GRIP2: variants seen among roughly 807,000 people sequenced by gnomAD.
GRIP2 encodes glutamate receptor-interacting protein 2.
Under a neutral mutation model 108.3 loss-of-function variants are expected in GRIP2, and 58 were observed. That is an observed-to-expected ratio of 0.54 (90% CI 0.43 to 0.67). The LOEUF is 0.67. Ranked by LOEUF, GRIP2 falls within the 30% of genes least tolerant of loss-of-function variation. The pLI is 0.00. For synonymous variants in GRIP2, 586 were observed against 598.2 expected, an observed-to-expected ratio of 0.98 and a Z score of 0.30; for missense variants, 1,278 against 1,430.6, an observed-to-expected ratio of 0.89 and a Z score of 1.72.
chr3:14,498,614 A>G (rs935827823), intron 21 of GRIP2, among the ~76,000 whole-genome samples: 1 of 83,130 alleles, frequency 1.2e-5, no homozygotes, highest in African/African-American at 8.0e-5. Flanking sequence ...AGCATCCAAA[A>G]GGAAAATCCA....
chr3:14,507,552 G>C lies in GRIP2; in HGVS notation c.2218+9C>G, dbSNP rs370729301. On this transcript the variant is annotated intron_variant, in intron 18 of 23. Coordinates refer to ENST00000621039, the MANE Select transcript of GRIP2 (RefSeq NM_001080423.4). This position sits in a 1 kb window ranked among gnomAD's most constrained non-coding sequence, Gnocchi z 4.6. ...CTGGGTGGCTCCCAGGGGATGAAGC[G>C]AATCTCACGGTCTAGTTGCTTCTTG... 2 of 1,611,356 alleles carry C rather than the reference G, an allele frequency of 1.2e-6. No homozygotes were observed. The highest frequency in any genetic ancestry group is 4.5e-5 in the East Asian group (2 of 44,782).
At position 14,504,904 on chromosome 3, in the gene GRIP2, G is replaced by C. The variant is rs370030464; in HGVS notation, c.2573+711C>G. ...CGTGGAGCTGGGGTGCCACGCAGTA[G>C]AGATGATAGCCAAGTAATTAGCCAG... On this transcript the variant is annotated intron_variant, in intron 20 of 23. Transcript: ENST00000621039. Among the ~76,000 whole-genome samples the C allele has an allele frequency of 7.3e-4, 111 of 152,320 alleles. 5 individuals carry two copies. In the South Asian group the frequency reaches 0.021, roughly 29 times the overall value.
chr3:14,489,965 C>A lies in GRIP2; in HGVS notation c.*3700G>T, dbSNP rs1024656290. Reference sequence around the variant, plus strand: ...GGGCAGCCTTCCTGCCAACAGCGCCCCCCACCCTTTGGGATGGACAAACTC... The same window carrying A: ...GGGCAGCCTTCCTGCCAACAGCGCCACCCACCCTTTGGGATGGACAAACTC... On this transcript the variant is annotated 3_prime_UTR_variant, in exon 24 of 24. Transcript: ENST00000621039. The A allele has an allele frequency of 1.3e-5, 2 of 152,210 alleles. No individual in the cohort carries two copies. The highest frequency in any genetic ancestry group is 1.3e-4 in the Admixed American group (2 of 15,288). 9.4% of individuals were successfully genotyped at this position (152,210 alleles called of 1,614,324 possible).
At chr3:14,596,187 A>G in the GRIP2 span, among the ~76,000 whole-genome samples, 1 of 152,226 alleles carries the variant, frequency 6.6e-6, no homozygotes, top group African/African-American at 2.4e-5. Flanking sequence ...CTGCCTGAGA[A>G]AGGCTCTGAG....
intron 17 of GRIP2, 145 bp downstream of exon 17, chr3:14,509,674 AG>A: frequency 1.2e-6 from 1 of 825,746 alleles, no homozygotes; most frequent in Non-Finnish European, 1.7e-6. Flanking sequence ...CCTGAGTCTC[AG>A]AGAGGGGAAG....
At chr3:14,504,080 G>T (rs977535539) in intron 20 of GRIP2, 9 of 230,586 alleles carry the variant, frequency 3.9e-5, no homozygotes, top group Non-Finnish European at 6.1e-5. Context: ...GGACAGAGCT[G>T]GGGCCAGCAA....
intron 23 of GRIP2, 85 bp from the exon 24 acceptor site, chr3:14,493,911 G>C: frequency 2.7e-6 from 4 of 1,455,586 alleles, no homozygotes; most frequent in Non-Finnish European, 3.7e-6. Flanking sequence ...ATGTCCTAAA[G>C]ATGGGTCCTG....
intron 7 of GRIP2, chr3:14,520,758 G>A (rs556434519): frequency 3.4e-6 from 2 of 580,350 alleles, no homozygotes; most frequent in Admixed American, 3.0e-5. Flanking sequence ...AGGAGCTCAG[G>A]TCTGAGGGGC....
Position 14,507,591 on chromosome 3 carries a change from C to A in GRIP2, c.2188G>T (p.Val730Phe). ...AGTTGCTTCTTGATCTTCAGTGTGA[C>A]GGTCTCTCCAGCCACCTGCAGGAGG... The part of the protein sequence containing the change: ...IHLLQVAGET[V>F]TLKIKKQLDR... The change falls in exon 18 of 24, where the codon GTC (valine) becomes TTC (phenylalanine). Residue 730 changes from valine to phenylalanine, a missense_variant. By Grantham distance (50) the Val-to-Phe change is conservative. Coordinates refer to ENST00000621039, the MANE Select transcript of GRIP2 (RefSeq NM_001080423.4). This position sits in a 1 kb window ranked among gnomAD's most constrained non-coding sequence, Gnocchi z 4.6. The A allele has an allele frequency of 3.7e-6, 6 of 1,613,986 alleles. No homozygotes were observed. Among genetic ancestry groups the A allele is most frequent in the Non-Finnish European group, 5.1e-6 (6 of 1,179,842 alleles).
At chr3:14,498,939 T>C (rs1369913114) in intron 21 of GRIP2, among the ~76,000 whole-genome samples, 6 of 152,194 alleles carry the variant, frequency 3.9e-5, no homozygotes, top group East Asian at 1.9e-4. Context: ...GCTGGGGTAC[T>C]GTTCAGGGAA....
At chr3:14,520,558 AG>A in intron 7 of GRIP2, 21 bp from the exon 8 acceptor site, 3 of 1,613,214 alleles carry the variant, frequency 1.9e-6, no homozygotes, top group Non-Finnish European at 2.5e-6. Flanking sequence ...GGAGAAAAAA[AG>A]TTTGAAATGC....
At chr3:14,599,191 G>A in the GRIP2 span, among the ~76,000 whole-genome samples, 1 of 152,252 alleles carries the variant, frequency 6.6e-6, no homozygotes, top group South Asian at 2.1e-4. Context: ...AATATTTGTT[G>A]CATGAATGAA....
the GRIP2 span, among the ~76,000 whole-genome samples, chr3:14,585,388 T>G: frequency 6.6e-6 from 1 of 152,266 alleles, no homozygotes; most frequent in Non-Finnish European, 1.5e-5. Flanking sequence ...TTGAACCTGA[T>G]GTTAGTGAGC....
chr3:14,574,838 A>T, the GRIP2 span: 3 of 328,474 alleles, frequency 9.1e-6, no homozygotes, highest in African/African-American at 2.1e-5. Flanking sequence ...TGTGCAACAT[A>T]CAACAAAACG....
the GRIP2 span, among the ~76,000 whole-genome samples, chr3:14,576,484 G>A: frequency 2.6e-5 from 4 of 152,350 alleles, no homozygotes; most frequent in African/African-American, 9.6e-5. Context: ...GAGCAAGGAG[G>A]GCGGGGAGAG....
the GRIP2 span, chr3:14,572,839 C>G: frequency 9.2e-7 from 1 of 1,091,364 alleles, no homozygotes; most frequent in South Asian, 1.3e-5. Context: ...CCCTGGAGCC[C>G]GCAGCCAGCT....
chr3:14,556,781 C>T (rs1695242963), upstream of GRIP2, among the ~76,000 whole-genome samples: 1 of 152,236 alleles, frequency 6.6e-6, no homozygotes, highest in Non-Finnish European at 1.5e-5. Context: ...CCTCTCTCAT[C>T]CCACATCCTG....
Position 14,540,239 on chromosome 3 carries a change from C to T in GRIP2, c.40+30G>A, listed in dbSNP as rs751524051. On this transcript the variant is annotated intron_variant, in intron 1 of 23. Transcript: ENST00000621039. The surrounding 1 kb of genome is among the most constrained non-coding windows in gnomAD (Gnocchi z 4.1). ...GAGGGATCTATGTGTTCAGCCCCAT[C>T]ACTCTGCCCACAGACCCCCCATTAC... is the stretch of plus-strand genomic sequence containing the variant. 1.2e-6 allele frequency: 2 copies of T among 1,611,836 alleles called. No individual in the cohort carries two copies. Among genetic ancestry groups the T allele is most frequent in the Admixed American group, 3.3e-5 (2 of 59,874 alleles).
chr3:14,520,447 A>C lies in GRIP2; in HGVS notation c.803T>G (p.Leu268Arg), dbSNP rs369726207. 4.3e-6 allele frequency: 7 copies of C among 1,613,690 alleles called. No individual in the cohort carries two copies. In the African/African-American group the frequency reaches 9.3e-5, roughly 22 times the overall value. ...ALGISLTTTS[L>R]RNKSVITIDR... is the part of the protein sequence containing the mutation. ...GATGGTAATGACTGACTTGTTCCGG[A>C]GGGAGGTGGTGGTGAGCGAGATCCC... The change falls in exon 8 of 24, where the codon CTC (leucine) becomes CGC (arginine). Residue 268 changes from leucine (L) to arginine (R), a missense_variant. Leu to Arg is a moderately radical substitution (Grantham distance 102). Coordinates refer to ENST00000621039, the MANE Select transcript of GRIP2 (RefSeq NM_001080423.4).
Sources: allele counts gnomAD v4.1 joint callset (sites outside exome capture counted in the v4.1 genomes callset), GRCh38; gene constraint gnomAD v4.1.1; non-coding constraint Gnocchi (gnomAD v3.1); transcripts MANE v1.5; gene names NCBI Gene and HGNC (gene_info 2026-07-23, HGNC 2026-07-21).